Variants in PSMB2 observed in about 807,000 individuals in gnomAD.
The protein encoded by PSMB2 is proteasome 20S subunit beta 2.
PSMB2 carries 13 observed loss-of-function variants against 25.7 expected under a neutral mutation model. The observed-to-expected ratio is 0.51, with a 90% CI of 0.33 to 0.80. The LOEUF (loss-of-function observed/expected upper bound fraction) is 0.80. Among genes scored for constraint, PSMB2 ranks in the 30% least tolerant of loss-of-function variants. The pLI, the probability that PSMB2 is intolerant of heterozygous loss-of-function variation, is 0.02. For missense variants in PSMB2, 202 were observed against 259.0 expected (o/e 0.78, Z 1.51); for synonymous variants, 87 against 96.2 (o/e 0.90, Z 0.56).
rs946101959 is a variant in PSMB2, at chr1:35,618,617, T to A, written c.286-9209A>T. Among the ~76,000 whole-genome samples, 4 of 151,910 alleles carry A rather than the reference T, an allele frequency of 2.6e-5. No homozygotes were observed. The East Asian group carries it at 7.7e-4, about 29-fold the overall frequency. ...AACTGAAGAGCGAGCCACGTTAGGA[T>A]GTTGGTGCATTCAAGGGGGAAGACT... On this transcript the variant is annotated intron_variant, in intron 3 of 5. Transcript: ENST00000373237.
intron 2 of PSMB2, among the ~76,000 whole-genome samples, chr1:35,635,460 A>C (rs1651219041): frequency 6.6e-6 from 1 of 152,108 alleles, no homozygotes; most frequent in Non-Finnish European, 1.5e-5. Flanking sequence ...TCTCTGCTCT[A>C]GGATTTTTGT....
chr1:35,604,318 C>T (rs1282715148), intron 5 of PSMB2, among the ~76,000 whole-genome samples: 1 of 152,128 alleles, frequency 6.6e-6, no homozygotes, highest in Non-Finnish European at 1.5e-5. Flanking sequence ...CCTGTCCTCG[C>T]AAGCCAAAGT....
Position 35,600,414 on chromosome 1 carries a change from G to T in PSMB2, c.*2853C>A. ...GACAAACATACTGTGGTATATAGAAGATGTTAACATTACAGAAACTGAATA... is the reference window on the plus strand; with the variant it reads ...GACAAACATACTGTGGTATATAGAATATGTTAACATTACAGAAACTGAATA... On this transcript the variant is annotated 3_prime_UTR_variant, in exon 6 of 6. Coordinates refer to ENST00000373237, the MANE Select transcript of PSMB2 (RefSeq NM_002794.5). 1.2e-6 allele frequency: 1 copy of T among 833,146 alleles called. No individual in the cohort carries two copies. The highest frequency in any genetic ancestry group is 1.4e-6 in the Non-Finnish European group (1 of 691,362). 51.6% of individuals were successfully genotyped at this position (833,146 alleles called of 1,614,324 possible).
intron 3 of PSMB2, among the ~76,000 whole-genome samples, chr1:35,616,076 C>A (rs1274798857): frequency 6.6e-6 from 1 of 152,150 alleles, no homozygotes; most frequent in Admixed American, 6.5e-5. Flanking sequence ...TAGAAAACCT[C>A]AACTAGTTTA....
At chr1:35,624,661 G>A (rs1213949225) in intron 3 of PSMB2, among the ~76,000 whole-genome samples, 3 of 151,730 alleles carry the variant, frequency 2.0e-5, no homozygotes, top group Middle Eastern at 3.4e-3. Context: ...GCTGATGCAG[G>A]AGAATTGCTC....
chr1:35,617,311 G>T (rs888687297), intron 3 of PSMB2, among the ~76,000 whole-genome samples: 2 of 152,166 alleles, frequency 1.3e-5, no homozygotes, highest in Non-Finnish European at 2.9e-5. Context: ...GCCTCCCAAA[G>T]TGCTGGGATT....
chr1:35,603,936 C>T (rs1004480778), intron 5 of PSMB2, among the ~76,000 whole-genome samples: 4 of 149,674 alleles, frequency 2.7e-5, no homozygotes, highest in South Asian at 4.3e-4. Context: ...TTGGGAGGAT[C>T]GCTTGAGTTC....
At chr1:35,621,982 C>T (rs930966312) in intron 3 of PSMB2, among the ~76,000 whole-genome samples, 3 of 151,376 alleles carry the variant, frequency 2.0e-5, no homozygotes, top group African/African-American at 4.9e-5. Flanking sequence ...GGCGACAGAG[C>T]GAGACTATGT....
intron 3 of PSMB2, among the ~76,000 whole-genome samples, chr1:35,625,800 A>G (rs1485228139): frequency 5.3e-5 from 8 of 151,736 alleles, no homozygotes; most frequent in African/African-American, 1.9e-4. Flanking sequence ...ATAACTCATC[A>G]TCCTCTGACA....
At chr1:35,618,783 G>A (rs971999687) in intron 3 of PSMB2, among the ~76,000 whole-genome samples, 8 of 151,830 alleles carry the variant, frequency 5.3e-5, no homozygotes, top group East Asian at 1.9e-4. Context: ...ATCTTGTGAC[G>A]GAAAAAAAGT....
At chr1:35,632,799 T>C (rs1182004868) in intron 2 of PSMB2, among the ~76,000 whole-genome samples, 2 of 151,202 alleles carry the variant, frequency 1.3e-5, no homozygotes, top group Non-Finnish European at 3.0e-5. Flanking sequence ...GAGGCTGAGG[T>C]GGAAGGATCA....
chr1:35,603,763 G>A (rs925985369), intron 5 of PSMB2, among the ~76,000 whole-genome samples: 1 of 152,204 alleles, frequency 6.6e-6, no homozygotes. Context: ...TCAGAACGAA[G>A]CAGAGGCCAG....
At chr1:35,626,514 C>T (rs1173389695) in intron 3 of PSMB2, among the ~76,000 whole-genome samples, 1 of 152,178 alleles carries the variant, frequency 6.6e-6, no homozygotes, top group Non-Finnish European at 1.5e-5. Context: ...ATACTATGTG[C>T]AATTTCGACA....
intron 2 of PSMB2, among the ~76,000 whole-genome samples, chr1:35,635,951 A>C (rs1397199609): frequency 6.6e-6 from 1 of 152,180 alleles, no homozygotes. Context: ...CCAAAAATTC[A>C]TATGTTGAAG....
chr1:35,627,579 C>T (rs1299669745), intron 3 of PSMB2, among the ~76,000 whole-genome samples: 1 of 152,044 alleles, frequency 6.6e-6, no homozygotes, highest in Non-Finnish European at 1.5e-5. Context: ...CCTGAAAGGT[C>T]AAGGGGCTGC....
intron 3 of PSMB2, among the ~76,000 whole-genome samples, chr1:35,630,474 A>T (rs1012583215): frequency 6.6e-6 from 1 of 152,236 alleles, no homozygotes; most frequent in African/African-American, 2.4e-5. Flanking sequence ...AATAACCTGT[A>T]GTATATCTAG....
intron 3 of PSMB2, among the ~76,000 whole-genome samples, chr1:35,628,728 C>T (rs535870261): frequency 2.9e-4 from 43 of 146,678 alleles, no homozygotes; most frequent in African/African-American, 1.1e-3. Context: ...CTACATGTCT[C>T]TAGCTTCTCT....
At chr1:35,605,369 T>G (rs1399702808) in intron 4 of PSMB2, 87 bp from the exon 5 acceptor site, 2 of 1,348,026 alleles carry the variant, frequency 1.5e-6, no homozygotes, top group Admixed American at 1.8e-5. Context: ...CAAATCTGGC[T>G]TCTTCAGGTC....
At chr1:35,624,217 T>G (rs1650780975) in intron 3 of PSMB2, among the ~76,000 whole-genome samples, 1 of 152,168 alleles carries the variant, frequency 6.6e-6, no homozygotes, top group African/African-American at 2.4e-5. Context: ...GGTCTTGACA[T>G]AAGATTTTTA....
Sources: allele counts gnomAD v4.1 joint callset (sites outside exome capture counted in the v4.1 genomes callset), GRCh38; gene constraint gnomAD v4.1.1; transcripts MANE v1.5; gene names NCBI Gene and HGNC (gene_info 2026-07-23, HGNC 2026-07-21).